Variants in TENM3 observed in about 807,000 individuals in gnomAD.
TENM3 encodes the protein teneurin-3.
A neutral mutation model predicts 255.1 loss-of-function variants in TENM3; 63 were observed. The observed-to-expected ratio is 0.25, with a 90% CI of 0.20 to 0.30. The LOEUF (loss-of-function observed/expected upper bound fraction) is 0.30, where lower values mean the gene tolerates loss of function less well. TENM3 is among the 10% of genes least tolerant of loss of function. The pLI is 1.00. For synonymous variants in TENM3, 1,306 were observed against 1,322.3 expected (o/e 0.99, Z 0.27); for missense variants, 2,929 against 3,461.1 (o/e 0.85, Z 3.86).
At chr4:181,658,741 G>T in the TENM3 span, among the ~76,000 whole-genome samples, 3 of 152,268 alleles carry the variant, frequency 2.0e-5, no homozygotes, top group Admixed American at 6.5e-5. Context: ...TAGTAGATAG[G>T]CTATTTAATT....
the TENM3 span, among the ~76,000 whole-genome samples, chr4:181,935,657 A>G: frequency 6.6e-6 from 1 of 152,140 alleles, no homozygotes; most frequent in African/African-American, 2.4e-5. Flanking sequence ...TCATCTCTGC[A>G]TGCCGGGCAC....
the TENM3 span, among the ~76,000 whole-genome samples, chr4:181,873,121 G>A: frequency 6.6e-6 from 1 of 151,842 alleles, no homozygotes; most frequent in Non-Finnish European, 1.5e-5. Flanking sequence ...AGGCTGGAGT[G>A]CAGTGGCAAG....
At chr4:182,210,015 C>T (rs1323590220) in intron 1 of TENM3, among the ~76,000 whole-genome samples, 6 of 152,158 alleles carry the variant, frequency 3.9e-5, no homozygotes, top group Admixed American at 1.3e-4. Context: ...ACCTCCAGCC[C>T]TCCCCAGCCT....
At chr4:182,273,441 T>C (rs1417634830) in intron 1 of TENM3, among the ~76,000 whole-genome samples, 1 of 152,216 alleles carries the variant, frequency 6.6e-6, no homozygotes, top group Admixed American at 6.5e-5. Flanking sequence ...TTGGGGGAAT[T>C]CACCCCAAGA....
chr4:182,026,827 T>C, the TENM3 span, among the ~76,000 whole-genome samples: 3 of 152,282 alleles, frequency 2.0e-5, no homozygotes, highest in Non-Finnish European at 4.4e-5. Flanking sequence ...AATGTGTCTG[T>C]TTTTATGCCA....
At chr4:182,293,377 T>A (rs562686904) in intron 1 of TENM3, among the ~76,000 whole-genome samples, 1 of 152,240 alleles carries the variant, frequency 6.6e-6, no homozygotes, top group Non-Finnish European at 1.5e-5. Context: ...AGAAGCTGAG[T>A]GGGTAAAACA....
At chr4:182,551,107 A>G (rs1741957073) in intron 3 of TENM3, among the ~76,000 whole-genome samples, 1 of 151,646 alleles carries the variant, frequency 6.6e-6, no homozygotes, top group Non-Finnish European at 1.5e-5. Flanking sequence ...CTGTAATCCT[A>G]GCTACTCAGG....
chr4:182,757,165 C>T (rs1048834887), intron 22 of TENM3, among the ~76,000 whole-genome samples: 6 of 151,636 alleles, frequency 4.0e-5, no homozygotes, highest in African/African-American at 7.3e-5. Context: ...ACAAAAAATT[C>T]GCCAGGCGTG....
the TENM3 span, among the ~76,000 whole-genome samples, chr4:181,898,098 C>T: frequency 1.6e-4 from 24 of 152,274 alleles, no homozygotes; most frequent in Non-Finnish European, 3.1e-4. Context: ...CTGATAAGAT[C>T]AAGTCAAGCA....
intron 22 of TENM3, among the ~76,000 whole-genome samples, chr4:182,766,380 GA>G (rs1218448401): frequency 2.7e-5 from 4 of 146,222 alleles, no homozygotes; most frequent in Admixed American, 1.4e-4. Flanking sequence ...ATTTAAAAAA[GA>G]AAAAAAAAAG....
intron 3 of TENM3, among the ~76,000 whole-genome samples, chr4:182,471,284 C>T (rs1733097654): frequency 6.6e-6 from 1 of 152,182 alleles, no homozygotes; most frequent in Admixed American, 6.5e-5. Context: ...GTATGATGAA[C>T]TTTCTTACAC....
chr4:181,874,319 AG>A, the TENM3 span: 15 of 152,354 alleles, frequency 9.8e-5, no homozygotes, highest in African/African-American at 2.9e-4. Flanking sequence ...ATACTGACAA[AG>A]AAGTGTCAAA....
chr4:181,804,064 G>A, the TENM3 span, among the ~76,000 whole-genome samples: 1 of 138,544 alleles, frequency 7.2e-6, no homozygotes, highest in African/African-American at 2.7e-5. Flanking sequence ...AGGAGAGAAA[G>A]AGAAAGGAAA....
intron 3 of TENM3, among the ~76,000 whole-genome samples, chr4:182,499,699 G>A (rs1422800159): frequency 2.0e-5 from 3 of 152,014 alleles, no homozygotes; most frequent in East Asian, 3.9e-4. Flanking sequence ...ATTGCTCACA[G>A]CACCTAAGAA....
chr4:181,493,804 T>C, the TENM3 span, among the ~76,000 whole-genome samples: 1 of 152,222 alleles, frequency 6.6e-6, no homozygotes, highest in East Asian at 1.9e-4. Context: ...TATTTCACCC[T>C]AAAGCTTTGA....
the TENM3 span, among the ~76,000 whole-genome samples, chr4:182,021,422 C>T: frequency 3.9e-5 from 6 of 152,104 alleles, no homozygotes; most frequent in South Asian, 4.1e-4. Context: ...ATCCTTCCCT[C>T]TCCCTCTCCT....
At chr4:182,387,511 G>A (rs940958597) in intron 3 of TENM3, among the ~76,000 whole-genome samples, 4 of 152,140 alleles carry the variant, frequency 2.6e-5, no homozygotes, top group African/African-American at 4.8e-5. Context: ...GGCTGCCGGA[G>A]CCAGCAGTGG....
chr4:182,088,650 T>C, the TENM3 span, among the ~76,000 whole-genome samples: 1 of 152,012 alleles, frequency 6.6e-6, no homozygotes, highest in Admixed American at 6.6e-5. Context: ...CCGGCTACCA[T>C]GGTGAAACCC....
At chr4:182,443,087 G>C (rs534252191) in intron 3 of TENM3, among the ~76,000 whole-genome samples, 3 of 152,182 alleles carry the variant, frequency 2.0e-5, no homozygotes, top group African/African-American at 7.2e-5. Context: ...AGATGGTCCA[G>C]ATTGAAGAAT....
Sources: allele counts gnomAD v4.1 joint callset (sites outside exome capture counted in the v4.1 genomes callset), GRCh38; gene constraint gnomAD v4.1.1; transcripts MANE v1.5; gene names NCBI Gene and HGNC (gene_info 2026-07-23, HGNC 2026-07-21).